HECW2: variants seen among roughly 807,000 people sequenced by gnomAD.
HECW2 encodes the protein E3 ubiquitin-protein ligase HECW2.
A neutral mutation model predicts 175.2 loss-of-function variants in HECW2; 61 were observed. The observed-to-expected ratio is 0.35, with a 90% confidence interval of 0.28 to 0.43. The LOEUF (loss-of-function observed/expected upper bound fraction) is 0.43, where lower values mean the gene tolerates loss of function less well. Among genes scored for constraint, HECW2 ranks in the 20% least tolerant of loss-of-function variants. The pLI, the probability that HECW2 is intolerant of heterozygous loss-of-function variation, is 1.00. For synonymous variants in HECW2, 671 were observed against 731.0 expected, an observed-to-expected ratio of 0.92 and a Z score of 1.32; for missense variants, 1,524 against 2,000.5, an observed-to-expected ratio of 0.76 and a Z score of 4.54.
intron 1 of HECW2, among the ~76,000 whole-genome samples, chr2:196,468,904 G>A (rs749005143): frequency 2.6e-5 from 4 of 152,088 alleles, no homozygotes; most frequent in Admixed American, 6.5e-5. Flanking sequence ...TATCTGCCTC[G>A]TCCTCCTAGA....
At chr2:196,266,361 A>G (rs897247740) in intron 17 of HECW2, among the ~76,000 whole-genome samples, 3 of 152,032 alleles carry the variant, frequency 2.0e-5, no homozygotes, top group Non-Finnish European at 2.9e-5. Context: ...AAGAAAAAAA[A>G]AAAGGTGTCT....
intron 13 of HECW2, among the ~76,000 whole-genome samples, chr2:196,301,943 C>T (rs887493324): frequency 2.6e-5 from 4 of 152,116 alleles, no homozygotes; most frequent in Admixed American, 6.5e-5. Context: ...GTACTTTTGT[C>T]ATGAAATCTT....
chr2:196,372,135 T>G (rs1693925293), intron 2 of HECW2, among the ~76,000 whole-genome samples: 1 of 152,210 alleles, frequency 6.6e-6, no homozygotes, highest in Non-Finnish European at 1.5e-5. Flanking sequence ...TCTGCTATTC[T>G]CAAAAAGCAG....
intron 1 of HECW2, among the ~76,000 whole-genome samples, chr2:196,536,123 T>TG (rs1689012591): frequency 6.6e-6 from 1 of 152,106 alleles, no homozygotes. Flanking sequence ...GGAAAATAAA[T>TG]ACCAATTTTT....
chr2:196,201,452 GTGTGT>G, intron 28 of HECW2, 64 bp from the exon 29 acceptor site: 2 of 924,266 alleles, frequency 2.2e-6, no homozygotes, highest in Non-Finnish European at 3.4e-6. Flanking sequence ...TGTGTGTGGT[GTGTGT>G]GTGTGTGTGT....
chr2:196,372,378 T>C (rs1420561982), intron 2 of HECW2, among the ~76,000 whole-genome samples: 1 of 152,246 alleles, frequency 6.6e-6, no homozygotes, highest in Non-Finnish European at 1.5e-5. Flanking sequence ...TAAAGTTAAA[T>C]GTTAGATATA....
At chr2:196,346,151 G>A (rs2105838578) in intron 2 of HECW2, among the ~76,000 whole-genome samples, 1 of 152,336 alleles carries the variant, frequency 6.6e-6, no homozygotes, top group Non-Finnish European at 1.5e-5. Flanking sequence ...AAAAGCAACT[G>A]TAAAAAAGTT....
At chr2:196,276,951 A>C (rs2105980344) in intron 15 of HECW2, among the ~76,000 whole-genome samples, 1 of 152,350 alleles carries the variant, frequency 6.6e-6, no homozygotes, top group African/African-American at 2.4e-5. Flanking sequence ...CTACAAAGAT[A>C]TTTGATGTAC....
intron 15 of HECW2, 74 bp downstream of exon 15, chr2:196,278,454 T>C (rs1575345708): frequency 1.4e-6 from 2 of 1,420,272 alleles, no homozygotes; most frequent in Non-Finnish European, 1.9e-6. Context: ...AAAAAATCAG[T>C]CAAATTCCTC....
intron 2 of HECW2, among the ~76,000 whole-genome samples, chr2:196,376,779 C>CA (rs1386937603): frequency 2.0e-5 from 3 of 151,868 alleles, no homozygotes; most frequent in African/African-American, 4.8e-5. Context: ...ACTAAAAATA[C>CA]AAAAATTAGC....
At chr2:196,385,465 G>T (rs954945333) in intron 2 of HECW2, among the ~76,000 whole-genome samples, 4 of 151,950 alleles carry the variant, frequency 2.6e-5, no homozygotes, top group African/African-American at 9.7e-5. Flanking sequence ...ATGTATCATT[G>T]GCCATCCCTC....
chr2:196,294,089 TA>T (rs991982704), intron 13 of HECW2, among the ~76,000 whole-genome samples: 2 of 152,300 alleles, frequency 1.3e-5, no homozygotes, highest in Admixed American at 6.5e-5. Flanking sequence ...AATGCAAGTT[TA>T]AAAAAACTCC....
chr2:196,278,133 A>ATATATATATATATAT (rs1553489735), intron 15 of HECW2, among the ~76,000 whole-genome samples: 5,209 of 66,362 alleles, frequency 0.078, 1,555 homozygotes, highest in East Asian at 0.25. Flanking sequence ...ATAATTAAAA[A>ATATATATATATATAT]ATATATATAT....
intron 22 of HECW2, among the ~76,000 whole-genome samples, chr2:196,227,422 A>G (rs1398472909): frequency 2.0e-5 from 3 of 152,214 alleles, no homozygotes; most frequent in Non-Finnish European, 4.4e-5. Flanking sequence ...AATAATCTTC[A>G]GATGGGAATC....
At chr2:196,452,947 T>C (rs978899911) in intron 1 of HECW2, among the ~76,000 whole-genome samples, 2 of 152,122 alleles carry the variant, frequency 1.3e-5, no homozygotes, top group Non-Finnish European at 2.9e-5. Flanking sequence ...CTAAACCCCA[T>C]CTGTAAGAAC....
rs1691813817 is a variant in HECW2 at position 196,318,827 on chromosome 2, G to C, written c.2063C>G (p.Pro688Arg). The C allele has an allele frequency of 6.5e-7, 1 of 1,537,348 alleles. No individual in the cohort carries two copies. Among genetic ancestry groups the C allele is most frequent in the Non-Finnish European group, 8.8e-7 (1 of 1,141,450 alleles). ...EEEDGACAAE[P>R]TSSGPAEGSQ... ...CCCTTCGGCAGGGCCACTGCTGGTGGGCTCTGCTGCACAGGCTCCGTCTTC... is the reference window on the plus strand; with the variant it reads ...CCCTTCGGCAGGGCCACTGCTGGTGCGCTCTGCTGCACAGGCTCCGTCTTC... Residue 688 changes from proline to arginine, a missense_variant, in exon 9 of 29, where the codon CCC becomes CGC. Coordinates refer to ENST00000644978, the MANE Select transcript of HECW2 (RefSeq NM_001348768.2).
At chr2:196,351,713 T>C (rs567850589) in intron 2 of HECW2, among the ~76,000 whole-genome samples, 1 of 152,356 alleles carries the variant, frequency 6.6e-6, no homozygotes, top group East Asian at 1.9e-4. Flanking sequence ...TTTTCAATTA[T>C]CTTTTGTATA....
At chr2:196,365,854 C>T (rs971500698) in intron 2 of HECW2, among the ~76,000 whole-genome samples, 1 of 152,152 alleles carries the variant, frequency 6.6e-6, no homozygotes, top group African/African-American at 2.4e-5. Flanking sequence ...ACCAGAGTAA[C>T]AATCCCTATG....
chr2:196,197,588 G>A lies in HECW2; in HGVS notation c.*3689C>T, dbSNP rs1037005058. 6.6e-6 allele frequency: 1 copy of A among 152,024 alleles called. No homozygotes were observed. The highest frequency in any genetic ancestry group is 2.4e-5 in the African/African-American group (1 of 41,366). 9.4% of individuals were successfully genotyped at this position (152,024 alleles called of 1,614,324 possible). ...TACTAATTTCTTTATGGACTTTTCA[G>A]AAGGTGTCATATTTTAAATGTATCT... On this transcript the variant is annotated 3_prime_UTR_variant, in exon 29 of 29. Transcript: ENST00000644978.
Sources: allele counts gnomAD v4.1 joint callset (sites outside exome capture counted in the v4.1 genomes callset), GRCh38; gene constraint gnomAD v4.1.1; transcripts MANE v1.5; gene names NCBI Gene and HGNC (gene_info 2026-07-23, HGNC 2026-07-21).